Variants in CEP83 observed in about 807,000 individuals in gnomAD.
CEP83 encodes the protein centrosomal protein of 83 kDa.
A neutral mutation model predicts 101.9 loss-of-function variants in CEP83; 70 were observed. The ratio of observed to expected loss-of-function variants is 0.69; its 90% CI spans 0.57 to 0.84. CEP83 has a LOEUF of 0.84. CEP83 is among the 40% of genes least tolerant of loss of function. The pLI is 0.00. For synonymous variants in CEP83, 264 were observed against 267.9 expected (o/e 0.99, Z 0.14); for missense variants, 715 against 787.2 (o/e 0.91, Z 1.10).
At chr12:94,378,681 C>T (rs992427270) in intron 7 of CEP83, 110 bp downstream of exon 7, 4 of 1,151,928 alleles carry the variant, frequency 3.5e-6, no homozygotes, top group African/African-American at 1.5e-5. Context: ...TACACAAATG[C>T]ATCAGCATTA....
chr12:94,412,221 T>C, intron 3 of CEP83, 97 bp downstream of exon 3: 2 of 1,017,034 alleles, frequency 2.0e-6, no homozygotes, highest in Non-Finnish European at 2.8e-6. Context: ...CATTGCAAAA[T>C]AACAAAATTA....
At chr12:94,339,648 G>C (rs931377220) in intron 11 of CEP83, among the ~76,000 whole-genome samples, 2 of 152,176 alleles carry the variant, frequency 1.3e-5, no homozygotes, top group African/African-American at 2.4e-5. Context: ...AATAGAAGTT[G>C]TATTTTTCTA....
At chr12:94,356,850 C>G (rs374074213) in intron 11 of CEP83, among the ~76,000 whole-genome samples, 2 of 152,130 alleles carry the variant, frequency 1.3e-5, no homozygotes, top group African/African-American at 2.4e-5. Context: ...AATGCCCAGG[C>G]CCAACCTCAA....
At chr12:94,293,151 T>C in the CEP83 span, among the ~76,000 whole-genome samples, 1 of 152,254 alleles carries the variant, frequency 6.6e-6, no homozygotes, top group East Asian at 1.9e-4. Context: ...GATTTACCCA[T>C]GTGGCGTGTA....
chr12:94,398,743 T>G (rs2063060513), intron 6 of CEP83, among the ~76,000 whole-genome samples: 1 of 152,146 alleles, frequency 6.6e-6, no homozygotes, highest in Non-Finnish European at 1.5e-5. Context: ...TAAACAGACA[T>G]GCAATAAGGA....
chr12:94,328,013 T>C (rs913319148), intron 14 of CEP83, among the ~76,000 whole-genome samples: 1 of 152,232 alleles, frequency 6.6e-6, no homozygotes, highest in Non-Finnish European at 1.5e-5. Flanking sequence ...CTCCCCAGTG[T>C]ATAGTGTAAT....
chr12:94,420,156 G>C (rs2064607990), intron 2 of CEP83, among the ~76,000 whole-genome samples: 1 of 151,996 alleles, frequency 6.6e-6, no homozygotes, highest in Non-Finnish European at 1.5e-5. Context: ...GATAAGTCTG[G>C]AGAGGAGAGG....
At chr12:94,388,596 C>T (rs2062309572) in intron 6 of CEP83, among the ~76,000 whole-genome samples, 1 of 151,780 alleles carries the variant, frequency 6.6e-6, no homozygotes, top group African/African-American at 2.4e-5. Context: ...TAAAATAAAA[C>T]TTGAAATTAT....
At chr12:94,451,163 G>A (rs537128172) in intron 1 of CEP83, among the ~76,000 whole-genome samples, 12 of 152,122 alleles carry the variant, frequency 7.9e-5, no homozygotes, top group African/African-American at 2.4e-4. Flanking sequence ...TCAAATGCAC[G>A]GTTAATTCAA....
the CEP83 span, among the ~76,000 whole-genome samples, chr12:94,285,102 G>T: frequency 1.4e-4 from 20 of 139,426 alleles, no homozygotes; most frequent in East Asian, 1.0e-3. Context: ...TGAGGGTGGG[G>T]TCAAAGATAT....
chr12:94,275,015 G>A, the CEP83 span, among the ~76,000 whole-genome samples: 1 of 152,236 alleles, frequency 6.6e-6, no homozygotes, highest in Non-Finnish European at 1.5e-5. Flanking sequence ...TAGGAACAGT[G>A]AGGATTTTAA....
At chr12:94,282,128 ACAAAG>A in the CEP83 span, 2 of 529,512 alleles carry the variant, frequency 3.8e-6, no homozygotes, top group Non-Finnish European at 6.6e-6. Context: ...AAACAAACAA[ACAAAG>A]TAAAACAGAA....
chr12:94,423,552 CA>C (rs1459437515), intron 2 of CEP83, among the ~76,000 whole-genome samples: 18 of 150,956 alleles, frequency 1.2e-4, no homozygotes, highest in African/African-American at 4.4e-4. Flanking sequence ...GCTCCATCAG[CA>C]ACAGTAAAGG....
intron 11 of CEP83, among the ~76,000 whole-genome samples, chr12:94,356,481 C>T (rs1014941613): frequency 3.9e-5 from 6 of 152,132 alleles, no homozygotes; most frequent in African/African-American, 7.2e-5. Flanking sequence ...AGTGACTGTT[C>T]GAGCAGCGCC....
chr12:94,357,584 A>G (rs997388086), intron 11 of CEP83, among the ~76,000 whole-genome samples: 2 of 152,154 alleles, frequency 1.3e-5, no homozygotes, highest in South Asian at 2.1e-4. Context: ...ACCCCTGTAC[A>G]ATGTCTGTCC....
chr12:94,285,800 T>C, the CEP83 span, among the ~76,000 whole-genome samples: 1 of 152,154 alleles, frequency 6.6e-6, no homozygotes, highest in Non-Finnish European at 1.5e-5. Context: ...CAGGCTTGTC[T>C]TGATGAGTTA....
In CEP83 at chr12:94,367,981, A is replaced by T. The variant is rs374886179; in HGVS notation, c.1194-38T>A. The T allele has an allele frequency of 8.8e-5, 142 of 1,607,252 alleles. No individual in the cohort carries two copies. The African/African-American group carries it at 1.8e-3, about 20-fold the overall frequency. On this transcript the variant is annotated intron_variant, in intron 10 of 16. Coordinates refer to ENST00000397809, the MANE Select transcript of CEP83 (RefSeq NM_016122.3). ...ATCATAATTATGTTACAAGAACTAT[A>T]ATAAAGATGATATGACAGCAAAATG...
chr12:94,303,747 TTTC>T, downstream of CEP83: 4 of 1,410,778 alleles, frequency 2.8e-6, no homozygotes, highest in Non-Finnish European at 3.7e-6. Context: ...TTTTTTTTTT[TTTC>T]CCCAGGAAGC....
At chr12:94,291,986 T>C in the CEP83 span, among the ~76,000 whole-genome samples, 1 of 152,336 alleles carries the variant, frequency 6.6e-6, no homozygotes, top group South Asian at 2.1e-4. Flanking sequence ...CCATACAATA[T>C]GTGGTCTTTT....
Sources: allele counts gnomAD v4.1 joint callset (sites outside exome capture counted in the v4.1 genomes callset), GRCh38; gene constraint gnomAD v4.1.1; transcripts MANE v1.5; gene names NCBI Gene and HGNC (gene_info 2026-07-23, HGNC 2026-07-21).